The following FRMD8 variants were observed in gnomAD, a reference collection of about 807,000 sequenced individuals.
FRMD8 encodes FERM domain-containing protein 8.
Under a neutral mutation model 54.2 loss-of-function variants are expected in FRMD8, and 37 were observed. The ratio of observed to expected loss-of-function variants is 0.68; its 90% CI spans 0.53 to 0.90. FRMD8 has a LOEUF of 0.90. Ranked by LOEUF, FRMD8 falls within the 40% of genes least tolerant of loss-of-function variation. The probability of loss-of-function intolerance (pLI) is 0.00; values close to 1 mark genes in which losing one functional copy is unlikely to be tolerated. For missense variants in FRMD8, 585 were observed against 653.7 expected (o/e 0.89, Z 1.15); for synonymous variants, 246 against 286.9 (o/e 0.86, Z 1.44).
chr11:65,380,293 C>A, the FRMD8 span: 1 of 1,420,936 alleles, frequency 7.0e-7, no homozygotes, highest in Non-Finnish European at 9.8e-7. Context: ...CCATCTCAGA[C>A]ACATGCAGCC....
At chr11:65,398,094 T>C (rs891102548) in intron 7 of FRMD8, among the ~76,000 whole-genome samples, 3 of 152,162 alleles carry the variant, frequency 2.0e-5, no homozygotes, top group African/African-American at 7.2e-5. Context: ...CAGGCTGATC[T>C]TGAACTCCTC....
the FRMD8 span, among the ~76,000 whole-genome samples, chr11:65,369,283 G>A: frequency 6.6e-6 from 1 of 152,142 alleles, no homozygotes; most frequent in South Asian, 2.1e-4. Context: ...GAGGCACACA[G>A]GCAGGCAGAG....
intron 2 of FRMD8, 39 bp from the exon 3 acceptor site, chr11:65,389,322 G>A (rs1478082912): frequency 1.1e-5 from 17 of 1,601,380 alleles, no homozygotes; most frequent in African/African-American, 1.3e-5. Context: ...GCTGTGCCAG[G>A]CAGAGGCCTC....
chr11:65,379,385 C>A, the FRMD8 span: 96 of 1,608,770 alleles, frequency 6.0e-5, no homozygotes, highest in Non-Finnish European at 7.6e-5. Flanking sequence ...CCTGCAGGAA[C>A]CCCCCGGTGC....
At chr11:65,389,613 G>C in intron 3 of FRMD8, 85 bp downstream of exon 3, 1 of 1,382,410 alleles carries the variant, frequency 7.2e-7, no homozygotes, top group Non-Finnish European at 9.7e-7. Context: ...GTTTGGAGCC[G>C]CTGGGGAGCC....
chr11:65,393,918 C>A, intron 4 of FRMD8, 123 bp from the exon 5 acceptor site: 1 of 1,042,954 alleles, frequency 9.6e-7, no homozygotes, highest in Non-Finnish European at 1.5e-6. Flanking sequence ...CCACCCTCTG[C>A]ACGGCCCTCC....
At chr11:65,369,776 T>TA in the FRMD8 span, among the ~76,000 whole-genome samples, 1 of 151,262 alleles carries the variant, frequency 6.6e-6, no homozygotes, top group African/African-American at 2.4e-5. Context: ...CTCATGCCTG[T>TA]AATCCCAGCA....
At chr11:65,386,096 G>A (rs753231250), upstream of FRMD8, among the ~76,000 whole-genome samples, 3 of 152,118 alleles carry the variant, frequency 2.0e-5, no homozygotes, top group Non-Finnish European at 4.4e-5. Flanking sequence ...GCGCCCGGCC[G>A]ACATAGACAT....
the FRMD8 span, chr11:65,379,707 G>A: frequency 5.6e-6 from 7 of 1,240,000 alleles, no homozygotes; most frequent in Non-Finnish European, 7.9e-6. Flanking sequence ...GGCTGAGGCT[G>A]CGCCTCTGGG....
Position 65,400,947 on chromosome 11 carries a change from C to T in FRMD8, c.1071+80C>T. The T allele has an allele frequency of 6.9e-7, 1 of 1,459,098 alleles. No individual in the cohort carries two copies. Among genetic ancestry groups the T allele is most frequent in the Non-Finnish European group, 9.2e-7 (1 of 1,090,928 alleles). The allele number at this position is 1,459,098 out of a possible 1,614,324, so 90.4% of individuals were successfully genotyped here. ...GTCCCAGACAATTAGAGGCACCAGG[C>T]TGGCGGGCAAGGAGGTGAGAAGCTG... is the stretch of plus-strand genomic sequence containing the variant. On this transcript the variant is annotated intron_variant, in intron 9 of 10. Transcript: ENST00000317568. This position sits in a 1 kb window ranked among gnomAD's most constrained non-coding sequence, Gnocchi z 4.3.
At chr11:65,377,103 C>T in the FRMD8 span, 22 of 1,602,010 alleles carry the variant, frequency 1.4e-5, no homozygotes, top group African/African-American at 4.0e-5. Flanking sequence ...ATGAGGGCCC[C>T]GGGTGGGGCT....
chr11:65,382,405 G>A (rs950509107), upstream of FRMD8: 8 of 194,774 alleles, frequency 4.1e-5, no homozygotes, highest in Middle Eastern at 2.4e-3. The surrounding 1 kb of genome is among the most constrained non-coding windows in gnomAD (Gnocchi z 4.4). Flanking sequence ...CGGAGGTAGC[G>A]TGGCCACCAG....
At chr11:65,384,389 C>T (rs1362255516), upstream of FRMD8, among the ~76,000 whole-genome samples, 1 of 152,078 alleles carries the variant, frequency 6.6e-6, no homozygotes, top group African/African-American at 2.4e-5. Flanking sequence ...CGGACTCTCT[C>T]CCAGTGCCCC....
the FRMD8 span, among the ~76,000 whole-genome samples, chr11:65,368,844 T>G: frequency 2.0e-5 from 3 of 152,186 alleles, no homozygotes; most frequent in Non-Finnish European, 4.4e-5. Flanking sequence ...ATTACAGGCG[T>G]GAGCCACCAC....
intron 7 of FRMD8, among the ~76,000 whole-genome samples, 161 bp downstream of exon 7, chr11:65,397,181 C>T (rs575492589): frequency 1.3e-5 from 2 of 152,130 alleles, no homozygotes; most frequent in East Asian, 1.9e-4. Context: ...CCAAGCTGGG[C>T]ACCTGTCCTC....
intron 9 of FRMD8, among the ~76,000 whole-genome samples, 181 bp downstream of exon 9, chr11:65,401,048 G>A (rs769886450): frequency 6.6e-6 from 1 of 152,116 alleles, no homozygotes; most frequent in Non-Finnish European, 1.5e-5. Context: ...TGCCCTGGGA[G>A]GTCAGGAGGC....
the FRMD8 span, chr11:65,376,111 A>C: frequency 4.5e-6 from 2 of 443,862 alleles, no homozygotes; most frequent in Non-Finnish European, 8.2e-6. Context: ...GGCACAGGAC[A>C]GGAGCTGGGA....
chr11:65,397,974 C>G lies in FRMD8; in HGVS notation c.803+954C>G, dbSNP rs191345153. 5.6e-4 allele frequency among the ~76,000 whole-genome samples: 84 copies of G among 150,656 alleles called. 1 individual carries two copies. The East Asian group carries it at 0.012, about 22-fold the overall frequency. ...CACTGCAACCTCTGCCTCCCAGGTTCAAGCGATTTTCCTGCCTCAGCCTCC... is the reference window on the plus strand; with the variant it reads ...CACTGCAACCTCTGCCTCCCAGGTTGAAGCGATTTTCCTGCCTCAGCCTCC... On this transcript the variant is annotated intron_variant, in intron 7 of 10. Coordinates refer to ENST00000317568, the MANE Select transcript of FRMD8 (RefSeq NM_031904.5).
chr11:65,378,011 G>C, the FRMD8 span: 1 of 152,488 alleles, frequency 6.6e-6, no homozygotes. Flanking sequence ...GGTGTGGCAG[G>C]CCAAGTCTTC....
Sources: allele counts gnomAD v4.1 joint callset (sites outside exome capture counted in the v4.1 genomes callset), GRCh38; gene constraint gnomAD v4.1.1; non-coding constraint Gnocchi (gnomAD v3.1); transcripts MANE v1.5; gene names NCBI Gene and HGNC (gene_info 2026-07-23, HGNC 2026-07-21).